The following IQCM variants were observed in gnomAD, a reference collection of about 807,000 sequenced individuals.
The protein encoded by IQCM is IQ motif containing M.
IQCM carries 45 observed loss-of-function variants against 57.6 expected under a neutral mutation model. The observed-to-expected ratio is 0.78, with a 90% CI of 0.62 to 1.00. The LOEUF is 1.00. Among genes scored for constraint, IQCM ranks in the 50% least tolerant of loss-of-function variants. IQCM has a pLI of 0.00. For synonymous variants in IQCM, 148 were observed against 158.9 expected, an observed-to-expected ratio of 0.93 and a Z score of 0.51; for missense variants, 468 against 511.6, an observed-to-expected ratio of 0.91 and a Z score of 0.82.
chr4:149,664,864 C>A (rs916710163), intron 7 of IQCM, among the ~76,000 whole-genome samples: 16 of 152,156 alleles, frequency 1.1e-4, no homozygotes, highest in African/African-American at 3.9e-4. Flanking sequence ...CATAGGCATA[C>A]ACAGCCTCAG....
chr4:149,398,545 A>T (rs1032527517), intron 13 of IQCM, among the ~76,000 whole-genome samples: 1 of 151,920 alleles, frequency 6.6e-6, no homozygotes, highest in Non-Finnish European at 1.5e-5. Flanking sequence ...TTCATCAATG[A>T]TCTATAGTTT....
intron 7 of IQCM, among the ~76,000 whole-genome samples, chr4:149,664,223 T>C (rs1372206222): frequency 5.9e-5 from 9 of 152,168 alleles, no homozygotes; most frequent in Admixed American, 5.9e-4. Flanking sequence ...TTGAATTCTT[T>C]GTCTATATTT....
At position 149,581,132 on chromosome 4, in the gene IQCM, G is replaced by A. The variant is rs369765469; in HGVS notation, c.749+6798C>T. Among the ~76,000 whole-genome samples, 22 of 151,546 alleles carry A rather than the reference G, an allele frequency of 1.5e-4. No individual in the cohort carries two copies. In the East Asian group the frequency reaches 2.0e-3, roughly 13 times the overall value. On this transcript the variant is annotated intron_variant, in intron 9 of 13. Coordinates refer to ENST00000636793, the MANE Select transcript of IQCM (RefSeq NM_001363507.2). ...GGGAGTTCTGGCAGGGATCAAATAC[G>A]CAATTTTAAATAGTATGTCATGGCA...
At position 149,769,073 on chromosome 4, in the gene IQCM, C is replaced by A. The variant is rs1331430258; in HGVS notation, c.-48-26334G>T. ...TAGGATTCACTGTTTTTGTATTTAA[C>A]AATTCATAGATATAAAAAATTATTA... On this transcript the variant is annotated intron_variant, in intron 2 of 13. Coordinates refer to ENST00000636793, the MANE Select transcript of IQCM (RefSeq NM_001363507.2). Among the ~76,000 whole-genome samples, 3 of 152,076 alleles carry A rather than the reference C, an allele frequency of 2.0e-5. No individual in the cohort carries two copies. The East Asian group carries it at 5.8e-4, about 29-fold the overall frequency.
intron 7 of IQCM, among the ~76,000 whole-genome samples, chr4:149,658,949 A>G (rs1407994060): frequency 6.6e-6 from 1 of 151,956 alleles, no homozygotes; most frequent in African/African-American, 2.4e-5. Flanking sequence ...CTCCTTTCCA[A>G]TTTGGATGCA....
chr4:149,549,052 C>T (rs1417804362), intron 11 of IQCM, among the ~76,000 whole-genome samples: 1 of 152,058 alleles, frequency 6.6e-6, no homozygotes, highest in Admixed American at 6.5e-5. Context: ...AAAGTTGGCC[C>T]CTAATTGGGA....
intron 7 of IQCM, among the ~76,000 whole-genome samples, chr4:149,659,574 C>T (rs1278993063): frequency 6.6e-6 from 1 of 152,128 alleles, no homozygotes; most frequent in Admixed American, 6.6e-5. Flanking sequence ...TACCTGACTT[C>T]AAACTATACT....
At chr4:149,522,160 CA>C (rs1745717283) in intron 12 of IQCM, among the ~76,000 whole-genome samples, 2 of 152,154 alleles carry the variant, frequency 1.3e-5, no homozygotes, top group African/African-American at 4.8e-5. Flanking sequence ...ATGGAACAGA[CA>C]GAGTTATTCT....
intron 13 of IQCM, among the ~76,000 whole-genome samples, chr4:149,380,780 T>G (rs763318739): frequency 2.6e-5 from 4 of 152,148 alleles, no homozygotes; most frequent in African/African-American, 9.7e-5. Context: ...AGAGAGCCAA[T>G]TGACATTCTA....
chr4:149,776,091 C>A (rs1175492401), intron 2 of IQCM, among the ~76,000 whole-genome samples: 1 of 151,952 alleles, frequency 6.6e-6, no homozygotes, highest in African/African-American at 2.4e-5. Flanking sequence ...TTTGATCATG[C>A]CACTACACTT....
intron 12 of IQCM, among the ~76,000 whole-genome samples, chr4:149,448,862 CA>C (rs1460273309): frequency 6.6e-6 from 1 of 151,664 alleles, no homozygotes; most frequent in Non-Finnish European, 1.5e-5. Context: ...CCTACATGCC[CA>C]GATGGCTTCA....
chr4:149,380,395 G>A (rs1213057753), intron 13 of IQCM, among the ~76,000 whole-genome samples: 1 of 152,100 alleles, frequency 6.6e-6, no homozygotes, highest in Non-Finnish European at 1.5e-5. Context: ...TATTCCAGAT[G>A]TAATTACAAA....
chr4:149,775,040 C>CAAAA (rs35383107), intron 2 of IQCM, among the ~76,000 whole-genome samples: 2 of 87,058 alleles, frequency 2.3e-5, no homozygotes, highest in Admixed American at 1.2e-4. Context: ...TTCTTTTTGC[C>CAAAA]AAAAAAAAAA....
At chr4:149,512,409 G>C (rs921431824) in intron 12 of IQCM, among the ~76,000 whole-genome samples, 16 of 152,156 alleles carry the variant, frequency 1.1e-4, no homozygotes, top group Non-Finnish European at 1.5e-4. Context: ...AAATTTGGTA[G>C]TAAAGATGGC....
At chr4:149,525,672 C>A (rs1256833701) in intron 12 of IQCM, among the ~76,000 whole-genome samples, 1 of 151,692 alleles carries the variant, frequency 6.6e-6, no homozygotes, top group Non-Finnish European at 1.5e-5. Flanking sequence ...TAGAAGAAAA[C>A]ATTAATAGGT....
intron 12 of IQCM, among the ~76,000 whole-genome samples, chr4:149,436,380 C>T (rs1014551115): frequency 6.6e-6 from 1 of 152,030 alleles, no homozygotes; most frequent in African/African-American, 2.4e-5. Context: ...CTAATAGAAA[C>T]ACATGAAGTC....
At chr4:149,467,088 A>G (rs1397544872) in intron 12 of IQCM, among the ~76,000 whole-genome samples, 3 of 152,188 alleles carry the variant, frequency 2.0e-5, no homozygotes, top group Non-Finnish European at 4.4e-5. Flanking sequence ...GCACAAATTT[A>G]ATAATTAGTA....
intron 9 of IQCM, among the ~76,000 whole-genome samples, chr4:149,576,041 A>G (rs1751616086): frequency 6.6e-6 from 1 of 151,880 alleles, no homozygotes; most frequent in African/African-American, 2.4e-5. Flanking sequence ...ATTCTGCAGG[A>G]GCACTACTTA....
At chr4:149,358,844 C>CAGTATATCATGATATACTCTCCTG (rs1729213626) in intron 13 of IQCM, among the ~76,000 whole-genome samples, 2 of 108,024 alleles carry the variant, frequency 1.9e-5, no homozygotes, top group Non-Finnish European at 4.0e-5. Context: ...GCACAGTGGA[C>CAGTATATCATGATATACTCTCCTG]AGTATATCAT....
Sources: allele counts gnomAD v4.1 joint callset (sites outside exome capture counted in the v4.1 genomes callset), GRCh38; gene constraint gnomAD v4.1.1; transcripts MANE v1.5; gene names NCBI Gene and HGNC (gene_info 2026-07-23, HGNC 2026-07-21).